The following EPHA6 variants were observed in gnomAD, a reference collection of about 807,000 sequenced individuals.
EPHA6 encodes the protein ephrin type-A receptor 6.
A neutral mutation model predicts 112.0 loss-of-function variants in EPHA6; 50 were observed. The observed-to-expected ratio is 0.45, with a 90% confidence interval of 0.36 to 0.56. The LOEUF is 0.56. EPHA6 is among the 20% of genes least tolerant of loss of function. EPHA6 has a pLI of 0.00. For synonymous variants in EPHA6, 529 were observed against 490.7 expected (o/e 1.08, Z -1.03); for missense variants, 1,280 against 1,417.4 (o/e 0.90, Z 1.56).
chr3:97,277,201 G>A (rs1002012607), intron 5 of EPHA6, among the ~76,000 whole-genome samples: 2 of 152,178 alleles, frequency 1.3e-5, no homozygotes, highest in African/African-American at 2.4e-5. Flanking sequence ...TTTCACCTGG[G>A]TGCAGATGGG....
chr3:97,496,249 T>C (rs1188106952), intron 10 of EPHA6, among the ~76,000 whole-genome samples: 1 of 152,142 alleles, frequency 6.6e-6, no homozygotes, highest in Non-Finnish European at 1.5e-5. Flanking sequence ...AAAATCTTTG[T>C]CCGTGGTTTC....
At chr3:97,153,432 T>C (rs1167389192) in intron 3 of EPHA6, among the ~76,000 whole-genome samples, 1 of 152,174 alleles carries the variant, frequency 6.6e-6, no homozygotes, top group Non-Finnish European at 1.5e-5. Flanking sequence ...CGGTTATTAA[T>C]ATAAAAGCAA....
At chr3:97,485,122 A>ATCCTT (rs1161932700) in intron 10 of EPHA6, among the ~76,000 whole-genome samples, 1 of 152,198 alleles carries the variant, frequency 6.6e-6, no homozygotes, top group Non-Finnish European at 1.5e-5. Context: ...GATTTGTTTA[A>ATCCTT]TCCTTTGGAA....
intron 5 of EPHA6, among the ~76,000 whole-genome samples, chr3:97,402,749 G>C (rs1259279556): frequency 6.6e-6 from 1 of 152,020 alleles, no homozygotes; most frequent in Non-Finnish European, 1.5e-5. Context: ...ATATATTCTA[G>C]ATCAAAAATA....
chr3:97,254,650 A>G (rs1403239686), intron 5 of EPHA6, among the ~76,000 whole-genome samples: 3 of 152,312 alleles, frequency 2.0e-5, no homozygotes, highest in African/African-American at 7.2e-5. Context: ...TCTAAAGAGA[A>G]TGTAGAGTTC....
At chr3:96,957,230 T>A (rs2107739199) in intron 2 of EPHA6, among the ~76,000 whole-genome samples, 1 of 152,216 alleles carries the variant, frequency 6.6e-6, no homozygotes, top group South Asian at 2.1e-4. Context: ...TGAATCAAAA[T>A]ATGAGATCCA....
chr3:97,448,200 A>G (rs1239369962), intron 6 of EPHA6, among the ~76,000 whole-genome samples: 1 of 152,080 alleles, frequency 6.6e-6, no homozygotes, highest in Non-Finnish European at 1.5e-5. Context: ...GAATTCTCCC[A>G]CCTTTGCTCC....
At chr3:97,392,892 C>T (rs941070005) in intron 5 of EPHA6, among the ~76,000 whole-genome samples, 3 of 151,584 alleles carry the variant, frequency 2.0e-5, no homozygotes, top group African/African-American at 7.3e-5. Flanking sequence ...TCAGCTGACG[C>T]CCAGAAGTTA....
Position 97,488,219 on chromosome 3 carries a change from T to G in EPHA6, c.2200+4160T>G, listed in dbSNP as rs186296678. Among the ~76,000 whole-genome samples, 4 of 152,330 alleles carry G rather than the reference T, an allele frequency of 2.6e-5. No individual in the cohort carries two copies. In the East Asian group the frequency reaches 7.7e-4, roughly 29 times the overall value. On this transcript the variant is annotated intron_variant, in intron 10 of 17. Coordinates refer to ENST00000389672, the MANE Select transcript of EPHA6 (RefSeq NM_001080448.3). ...TACATATTCTTTCCCTTTATCTATATGAAACTCATTATGGCCTCCACTATC... is the reference window on the plus strand; with the variant it reads ...TACATATTCTTTCCCTTTATCTATAGGAAACTCATTATGGCCTCCACTATC...
intron 1 of EPHA6, among the ~76,000 whole-genome samples, chr3:96,840,792 G>A (rs1404471203): frequency 6.6e-6 from 1 of 152,082 alleles, no homozygotes; most frequent in Non-Finnish European, 1.5e-5. Context: ...ACTGCTTAGA[G>A]AAAAAAGATG....
At chr3:97,173,182 G>T (rs368588915) in intron 3 of EPHA6, among the ~76,000 whole-genome samples, 1 of 151,852 alleles carries the variant, frequency 6.6e-6, no homozygotes, top group African/African-American at 2.4e-5. Context: ...ATGTAAATGT[G>T]AAATGTCATA....
chr3:97,550,216 G>T (rs2093010969), intron 11 of EPHA6, among the ~76,000 whole-genome samples: 1 of 152,308 alleles, frequency 6.6e-6, no homozygotes, highest in South Asian at 2.1e-4. Context: ...ATCTCTCACA[G>T]TAAGAACCCT....
chr3:97,223,029 T>G (rs778164752), intron 3 of EPHA6, among the ~76,000 whole-genome samples: 12 of 152,030 alleles, frequency 7.9e-5, no homozygotes, highest in Non-Finnish European at 1.3e-4. Context: ...AGAGATACAG[T>G]GAATAGACTT....
At chr3:97,060,881 G>A (rs544106887) in intron 3 of EPHA6, among the ~76,000 whole-genome samples, 9 of 127,392 alleles carry the variant, frequency 7.1e-5, no homozygotes, top group Non-Finnish European at 1.1e-4. Flanking sequence ...CCGAGATTGC[G>A]CCTCTGCATT....
chr3:97,642,882 G>A lies in EPHA6; in HGVS notation c.2784+4800G>A, dbSNP rs562568606. ...AAACACTCTGCAGGATATTATCCAG[G>A]AGAACTCTCCCCAATCTAGCAAGGC... On this transcript the variant is annotated intron_variant, in intron 14 of 17. Coordinates refer to ENST00000389672, the MANE Select transcript of EPHA6 (RefSeq NM_001080448.3). Among the ~76,000 whole-genome samples, 8 of 2,408 alleles carry A rather than the reference G, an allele frequency of 3.3e-3. No homozygotes were observed. In the South Asian group the frequency reaches 0.5, roughly 150 times the overall value. The allele number at this position is 2,408 out of a possible 152,430, so 1.6% of individuals were successfully genotyped here.
At chr3:97,022,228 C>G (rs1190564603) in intron 3 of EPHA6, among the ~76,000 whole-genome samples, 1 of 152,086 alleles carries the variant, frequency 6.6e-6, no homozygotes, top group Non-Finnish European at 1.5e-5. Context: ...CTGAATATAG[C>G]AATTGGTGTC....
chr3:97,217,012 T>A (rs983340803), intron 3 of EPHA6, among the ~76,000 whole-genome samples: 1 of 152,176 alleles, frequency 6.6e-6, no homozygotes, highest in Non-Finnish European at 1.5e-5. Flanking sequence ...ATTTAAGACA[T>A]GAGACATCAG....
At chr3:96,953,177 TA>T (rs2041621543) in intron 2 of EPHA6, among the ~76,000 whole-genome samples, 1 of 152,190 alleles carries the variant, frequency 6.6e-6, no homozygotes, top group Non-Finnish European at 1.5e-5. Context: ...CCAAGGAGTT[TA>T]TTTTTTTAAT....
intron 3 of EPHA6, among the ~76,000 whole-genome samples, chr3:97,048,600 G>T (rs904793550): frequency 1.4e-4 from 22 of 152,284 alleles, no homozygotes; most frequent in Admixed American, 1.3e-3. Context: ...TTTCTGAGCT[G>T]TGACATTAGT....
Sources: allele counts gnomAD v4.1 joint callset (sites outside exome capture counted in the v4.1 genomes callset), GRCh38; gene constraint gnomAD v4.1.1; transcripts MANE v1.5; gene names NCBI Gene and HGNC (gene_info 2026-07-23, HGNC 2026-07-21).